Variants in STK3 observed in about 807,000 individuals in gnomAD.
STK3 encodes the protein serine/threonine kinase 3.
Under a neutral mutation model 58.0 loss-of-function variants are expected in STK3, and 41 were observed. The ratio of observed to expected loss-of-function variants is 0.71; its 90% CI spans 0.55 to 0.92. The LOEUF is 0.92. Ranked by LOEUF, STK3 falls within the 40% of genes least tolerant of loss-of-function variation. STK3 has a pLI of 0.00. For synonymous variants in STK3, 170 were observed against 191.0 expected (o/e 0.89, Z 0.91); for missense variants, 479 against 602.7 (o/e 0.79, Z 2.15).
At chr8:98,873,986 T>G (rs1240875362) in intron 3 of STK3, among the ~76,000 whole-genome samples, 1 of 152,174 alleles carries the variant, frequency 6.6e-6, no homozygotes, top group Non-Finnish European at 1.5e-5. Flanking sequence ...AGTACCGGTT[T>G]TTCCTTTCCA....
chr8:98,894,246 C>T (rs1333206401), intron 1 of STK3, among the ~76,000 whole-genome samples: 1 of 152,170 alleles, frequency 6.6e-6, no homozygotes, highest in Non-Finnish European at 1.5e-5. Flanking sequence ...AAACAGAATC[C>T]ACCCCCACAT....
chr8:98,606,654 A>G (rs1210526544), intron 6 of STK3, among the ~76,000 whole-genome samples: 1 of 152,176 alleles, frequency 6.6e-6, no homozygotes, highest in Non-Finnish European at 1.5e-5. Flanking sequence ...ACTTAATGAA[A>G]CCCCAGTAAA....
chr8:98,397,321 G>A (rs2131020902), downstream of STK3, among the ~76,000 whole-genome samples: 1 of 152,290 alleles, frequency 6.6e-6, no homozygotes, highest in East Asian at 1.9e-4. Context: ...TTGAATCCAG[G>A]AGTTCAAAAC....
chr8:98,448,859 T>G (rs1563612628), intron 1 of STK3, among the ~76,000 whole-genome samples: 1 of 152,214 alleles, frequency 6.6e-6, no homozygotes, highest in East Asian at 1.9e-4. Context: ...CTCTCATCTT[T>G]TTTTTCCTTC....
intron 10 of STK3, among the ~76,000 whole-genome samples, chr8:98,492,808 C>A (rs1019094582): frequency 2.1e-4 from 32 of 152,288 alleles, no homozygotes; most frequent in African/African-American, 7.2e-4. Flanking sequence ...TCTCCCTCTT[C>A]CTGTCCAGAT....
downstream of STK3, chr8:98,880,993 A>T (rs185551863): frequency 6.6e-6 from 1 of 152,346 alleles, no homozygotes; most frequent in African/African-American, 2.4e-5. Context: ...CAAACTTATG[A>T]CTAACCCAAA....
intron 3 of STK3, among the ~76,000 whole-genome samples, chr8:98,871,755 A>C (rs1056272223): frequency 9.2e-5 from 14 of 152,220 alleles, no homozygotes; most frequent in Middle Eastern, 3.4e-3. Flanking sequence ...GAGATGATGG[A>C]GTTTTCTAAA....
intron 3 of STK3, among the ~76,000 whole-genome samples, chr8:98,395,011 C>T (rs988285218): frequency 4.6e-5 from 7 of 152,204 alleles, no homozygotes; most frequent in Admixed American, 3.9e-4. Context: ...GCTTTGTGTT[C>T]CAGATGGCAA....
chr8:98,445,435 A>G (rs1259134134), intron 1 of STK3, among the ~76,000 whole-genome samples: 1 of 152,186 alleles, frequency 6.6e-6, no homozygotes, highest in African/African-American at 2.4e-5. Flanking sequence ...ATATATTTCC[A>G]CCAAACATAT....
rs535576019 is a variant in STK3 at position 98,590,123 on chromosome 8, G to A, written c.822+5909C>T. On this transcript the variant is annotated intron_variant, in intron 7 of 10. Transcript: ENST00000419617. ...CCTATTCGGCCATCTTGGCTCCTCC[G>A]AAAATCTTCTCTTGAGAAAAGTGAA... 3.0e-4 allele frequency among the ~76,000 whole-genome samples: 45 copies of A among 152,056 alleles called. 1 individual carries two copies. The highest frequency in any genetic ancestry group is 1.2e-3 in the South Asian group (6 of 4,828).
intron 10 of STK3, among the ~76,000 whole-genome samples, chr8:98,509,421 T>G (rs1275209956): frequency 6.6e-6 from 1 of 152,032 alleles, no homozygotes; most frequent in Non-Finnish European, 1.5e-5. Flanking sequence ...TTATATAAAC[T>G]ACAAACAAAA....
chr8:98,631,069 G>GA (rs750541018), intron 6 of STK3, among the ~76,000 whole-genome samples: 1 of 151,978 alleles, frequency 6.6e-6, no homozygotes, highest in Non-Finnish European at 1.5e-5. Flanking sequence ...CAAATATCCA[G>GA]AATCTGGCCA....
At chr8:98,664,697 A>G (rs964593942) in intron 6 of STK3, among the ~76,000 whole-genome samples, 1 of 152,180 alleles carries the variant, frequency 6.6e-6, no homozygotes, top group Non-Finnish European at 1.5e-5. Flanking sequence ...AGATGAACTA[A>G]TAAGTTCACC....
Position 98,428,157 on chromosome 8 carries a change from G to A in STK3, n.483+5970C>T. The A allele has an allele frequency of 3.1e-6, 5 of 1,614,058 alleles. No individual in the cohort carries two copies. Among genetic ancestry groups the A allele is most frequent in the Non-Finnish European group, 4.2e-6 (5 of 1,180,020 alleles). ...GCGCGAGGCCATTCTGGAGCTCTGC[G>A]ATGACTACGACGACGTCCAGCGGGA... On this transcript the variant is annotated intron_variant and non_coding_transcript_variant, in intron 3 of 3. Coordinates refer to the STK3 transcript ENST00000517832. The surrounding 1 kb of genome is among the most constrained non-coding windows in gnomAD (Gnocchi z 6.7).
chr8:98,849,874 A>T (rs1204041497), intron 3 of STK3, among the ~76,000 whole-genome samples: 1 of 152,132 alleles, frequency 6.6e-6, no homozygotes, highest in African/African-American at 2.4e-5. Flanking sequence ...GGCAGGAATC[A>T]GGGGGTCAAA....
chr8:98,404,700 A>AC (rs58899263), intron 3 of STK3, among the ~76,000 whole-genome samples: 3 of 149,690 alleles, frequency 2.0e-5, no homozygotes, highest in South Asian at 2.1e-4. Context: ...AAAAAAAAAA[A>AC]TTTAGCTGGG....
intron 9 of STK3, among the ~76,000 whole-genome samples, chr8:98,532,829 A>G (rs774670328): frequency 6.6e-6 from 1 of 152,176 alleles, no homozygotes; most frequent in Non-Finnish European, 1.5e-5. Context: ...CTTGTACCCA[A>G]TGAACAACTT....
chr8:98,562,736 T>TAA (rs1812149826), intron 8 of STK3, among the ~76,000 whole-genome samples: 3 of 11,310 alleles, frequency 2.7e-4, no homozygotes, highest in Admixed American at 1.3e-3. Flanking sequence ...CCACAAAAAA[T>TAA]GAAAAAAAAA....
At chr8:98,918,139 T>A (rs1476691680) in intron 1 of STK3, among the ~76,000 whole-genome samples, 1 of 152,186 alleles carries the variant, frequency 6.6e-6, no homozygotes, top group Non-Finnish European at 1.5e-5. Context: ...TCCCCCTTTT[T>A]CTGTGAAGAC....
Sources: gnomAD v4.1 joint callset for allele counts (sites outside exome capture counted in the v4.1 genomes callset) on GRCh38, gnomAD v4.1.1 for gene constraint, Gnocchi (gnomAD v3.1) non-coding constraint, MANE v1.5 for transcripts, NCBI Gene and HGNC (gene_info 2026-07-23, HGNC 2026-07-21) for gene names.